The following NRXN2 variants were observed in gnomAD, a reference collection of about 807,000 sequenced individuals.
NRXN2 encodes the protein neurexin 2.
In NRXN2, 29 loss-of-function variants were observed where a neutral mutation model predicts 128.8. That is an observed-to-expected ratio of 0.23 (90% CI 0.17 to 0.31). The LOEUF (loss-of-function observed/expected upper bound fraction) is 0.31, where lower values mean the gene tolerates loss of function less well. Ranked by LOEUF, NRXN2 falls within the 10% of genes least tolerant of loss-of-function variation. The pLI, the probability that NRXN2 is intolerant of heterozygous loss-of-function variation, is 1.00. For synonymous variants in NRXN2, 1,098 were observed against 1,075.2 expected, an observed-to-expected ratio of 1.02 and a Z score of -0.41; for missense variants, 1,881 against 2,452.6, an observed-to-expected ratio of 0.77 and a Z score of 4.92.
intron 4 of NRXN2, 73 bp from the exon 5 acceptor site, chr11:64,690,549 A>T (rs2053669267): frequency 3.8e-6 from 5 of 1,318,324 alleles, no homozygotes; most frequent in Non-Finnish European, 5.4e-6. Context: ...GAGGGGATGA[A>T]GGGCCCTCTC....
At chr11:64,642,564 C>G (rs1466946691) in intron 17 of NRXN2, 1 of 1,610,724 alleles carries the variant, frequency 6.2e-7, no homozygotes, top group Non-Finnish European at 8.5e-7. Context: ...TGAGGAAGGG[C>G]ATGCGGTTGA....
chr11:64,656,994 C>T (rs1320633319), intron 11 of NRXN2, among the ~76,000 whole-genome samples: 1 of 151,892 alleles, frequency 6.6e-6, no homozygotes, highest in African/African-American at 2.4e-5. Flanking sequence ...GCAGCCTCCG[C>T]TCCCTCTTCA....
At chr11:64,639,691 G>T (rs906378341) in intron 17 of NRXN2, among the ~76,000 whole-genome samples, 10 of 152,006 alleles carry the variant, frequency 6.6e-5, no homozygotes, top group Non-Finnish European at 1.3e-4. Context: ...GGAAGAGTTG[G>T]GGGGGATGGC....
At chr11:64,640,259 C>T (rs2045463327) in intron 17 of NRXN2, among the ~76,000 whole-genome samples, 1 of 152,220 alleles carries the variant, frequency 6.6e-6, no homozygotes, top group Non-Finnish European at 1.5e-5. Context: ...CTCTGTCCAG[C>T]TTTTGCTCCT....
rs767721170 is a variant in NRXN2, at chr11:64,660,416, T to A, written c.2305A>T (p.Met769Leu). 1 of 1,614,190 alleles carries A rather than the reference T, an allele frequency of 6.2e-7. No individual in the cohort carries two copies. The highest frequency in any genetic ancestry group is 1.1e-5 in the South Asian group (1 of 91,086). ...RFMSQRAYGLMMATTSRESAD... is the reference protein window; with the variant it reads ...RFMSQRAYGLLMATTSRESAD... ...GACTCCCTGGAAGTGGTGGCCATCATGAGTCCGTAGGCCCGCTGGGACATG... is the reference window on the plus strand; with the variant it reads ...GACTCCCTGGAAGTGGTGGCCATCAAGAGTCCGTAGGCCCGCTGGGACATG... The change falls in exon 11 of 23, where the codon ATG becomes TTG. Residue 769 changes from methionine (M) to leucine (L), a missense_variant. Transcript: ENST00000265459. The surrounding 1 kb of genome is among the most constrained non-coding windows in gnomAD (Gnocchi z 5.2).
In NRXN2 at chr11:64,622,507, G is replaced by A. The variant is rs2042508935; in HGVS notation, c.4173+246C>T. ...GGCCATCAAACTCCTCCCCAATTCT[G>A]GGAATGGTCCCTCTAGAAATAGTGG... On this transcript the variant is annotated intron_variant, in intron 21 of 22. Transcript: ENST00000265459. This position sits in a 1 kb window ranked among gnomAD's most constrained non-coding sequence, Gnocchi z 4.3. 6.6e-6 allele frequency among the ~76,000 whole-genome samples: 1 copy of A among 152,186 alleles called. No homozygotes were observed. Among genetic ancestry groups the A allele is most frequent in the Non-Finnish European group, 1.5e-5 (1 of 68,030 alleles).
chr11:64,617,095 G>T (rs2135300640), intron 22 of NRXN2, among the ~76,000 whole-genome samples: 1 of 152,276 alleles, frequency 6.6e-6, no homozygotes, highest in African/African-American at 2.4e-5. Context: ...ATGTCTCTTG[G>T]AGTCTAAGCA....
At chr11:64,703,396 G>C (rs2055780382) in intron 2 of NRXN2, among the ~76,000 whole-genome samples, 1 of 152,148 alleles carries the variant, frequency 6.6e-6, no homozygotes, top group Non-Finnish European at 1.5e-5. Context: ...CTCCCTTTTA[G>C]AGCTGAAGAA....
chr11:64,630,806 A>G lies in NRXN2; in HGVS notation c.3586-233T>C, dbSNP rs2043797653. Among the ~76,000 whole-genome samples the G allele has an allele frequency of 6.6e-6, 1 of 151,844 alleles. No homozygotes were observed. Among genetic ancestry groups the G allele is most frequent in the Admixed American group, 6.5e-5 (1 of 15,268 alleles). The stretch of plus-strand genomic sequence containing the variant: ...GCCCAGAGCGCCTTCCACTAACCAC[A>G]CCTGTCTCTTGCCTTTTGGTTTGTC... On this transcript the variant is annotated intron_variant, in intron 18 of 22. Transcript: ENST00000265459. This position sits in a 1 kb window ranked among gnomAD's most constrained non-coding sequence, Gnocchi z 4.6.
rs2039877901 is a variant in NRXN2 at position 64,607,723 on chromosome 11, G to C, written c.4612C>G (p.Leu1538Val). ...SPRKPAPRPN[L>V]RTDGATGAPG... ...GCGCCCGTGGCCCCATCTGTCCTGA[G>C]GTTGGGCCGGGGAGCGGGTTTGCGG... Residue 1538 changes from leucine (L) to valine (V), a missense_variant, in exon 23 of 23, where the codon CTC becomes GTC. Around this residue, in one of 7 missense-constraint regions of NRXN2, gnomAD observed 310 missense variants for 318.2 expected, o/e 0.97. Coordinates refer to ENST00000265459, the MANE Select transcript of NRXN2 (RefSeq NM_015080.4). 4.5e-6 allele frequency: 7 copies of C among 1,563,948 alleles called. No individual in the cohort carries two copies. In the South Asian group the frequency reaches 8.2e-5, roughly 18 times the overall value.
chr11:64,658,327 G>T (rs1313749783), intron 11 of NRXN2, among the ~76,000 whole-genome samples: 4 of 152,200 alleles, frequency 2.6e-5, no homozygotes, highest in Non-Finnish European at 4.4e-5. Flanking sequence ...GCCACTTATG[G>T]GGTCCTTGGC....
chr11:64,713,324 G>C lies in NRXN2; in HGVS notation c.376C>G (p.Leu126Val), dbSNP rs370521049. The change falls in exon 2 of 23, where the codon CTG becomes GTG. Residue 126 changes from leucine (L) to valine (V), a missense_variant. Leu to Val is a conservative substitution (Grantham distance 32). Coordinates refer to ENST00000265459, the MANE Select transcript of NRXN2 (RefSeq NM_015080.4). ...LLTRDARRTA[L>V]AVDGEARAAE... ...GCGCGGGCCTCGCCGTCCACCGCCA[G>C]CGCCGTGCGGCGCGCGTCGCGGGTC... 37 of 1,371,100 alleles carry C rather than the reference G, an allele frequency of 2.7e-5. No homozygotes were observed. The East Asian group carries it at 3.4e-4, about 13-fold the overall frequency. 84.9% of individuals were successfully genotyped at this position (1,371,100 alleles called of 1,614,324 possible). A position where few individuals can be genotyped will look rare whatever the true frequency, so the allele number is the denominator to read the frequency against.
intron 17 of NRXN2, among the ~76,000 whole-genome samples, chr11:64,642,349 T>G (rs1464283743): frequency 6.9e-6 from 1 of 144,176 alleles, no homozygotes; most frequent in Admixed American, 6.9e-5. Flanking sequence ...AGAGGAGAGA[T>G]GGAGGCAAGG....
Position 64,660,513 on chromosome 11 carries a change from A to G in NRXN2, c.2208T>C (p.Asp736=). The part of the protein sequence containing the change: ...CEREATVLSY[D]GSMYMKIMLP... Reference sequence around the variant, plus strand: ...GCATGATCTTCATGTACATGGAGCCATCGTAGCTCAGGACCGTGGCCTCTG... The same window carrying G: ...GCATGATCTTCATGTACATGGAGCCGTCGTAGCTCAGGACCGTGGCCTCTG... Residue 736 remains aspartate, a synonymous_variant, in exon 11 of 23, where the codon GAT becomes GAC. Transcript: ENST00000265459. The surrounding 1 kb of genome is among the most constrained non-coding windows in gnomAD (Gnocchi z 5.2). 4 of 1,614,184 alleles carry G rather than the reference A, an allele frequency of 2.5e-6. No individual in the cohort carries two copies. The highest frequency in any genetic ancestry group is 3.4e-6 in the Non-Finnish European group (4 of 1,180,028).
intron 7 of NRXN2, chr11:64,676,735 G>A (rs753917692): frequency 1.7e-6 from 1 of 572,104 alleles, no homozygotes. Context: ...CAGGAGTTAG[G>A]GATTACAGCA....
Position 64,660,154 on chromosome 11 carries a change from C to T in NRXN2, c.2389+178G>A, listed in dbSNP as rs1051789264. On this transcript the variant is annotated intron_variant, in intron 11 of 22. Coordinates refer to ENST00000265459, the MANE Select transcript of NRXN2 (RefSeq NM_015080.4). The surrounding 1 kb of genome is among the most constrained non-coding windows in gnomAD (Gnocchi z 5.2). The stretch of plus-strand genomic sequence containing the variant: ...GCATGGAATGTCGCCCTACACTGTG[C>T]GTCCTCACCAGGGACAGAGCTCTCA... Among the ~76,000 whole-genome samples, 1 of 152,208 alleles carries T rather than the reference C, an allele frequency of 6.6e-6. No homozygotes were observed. Among genetic ancestry groups the T allele is most frequent in the African/African-American group, 2.4e-5 (1 of 41,458 alleles).
At chr11:64,654,571 A>C (rs1687456663) in intron 11 of NRXN2, among the ~76,000 whole-genome samples, 1 of 152,132 alleles carries the variant, frequency 6.6e-6, no homozygotes, top group Non-Finnish European at 1.5e-5. Context: ...CAGGACTGGG[A>C]AGGCCCCGTG....
At chr11:64,645,782 C>A (rs1484453107) in intron 17 of NRXN2, among the ~76,000 whole-genome samples, 1 of 152,138 alleles carries the variant, frequency 6.6e-6, no homozygotes, top group Non-Finnish European at 1.5e-5. Context: ...AGTCTCTCCC[C>A]CACCAGACAG....
intron 6 of NRXN2, among the ~76,000 whole-genome samples, chr11:64,678,720 TTTAA>T (rs2051717692): frequency 6.6e-6 from 1 of 152,098 alleles, no homozygotes; most frequent in Non-Finnish European, 1.5e-5. Context: ...CTGAGGCAGC[TTTAA>T]TTAAGAGTAT....
Sources: allele counts gnomAD v4.1 joint callset (sites outside exome capture counted in the v4.1 genomes callset), GRCh38; gene constraint gnomAD v4.1.1; regional missense constraint gnomAD v4.1.1; non-coding constraint Gnocchi (gnomAD v3.1); transcripts MANE v1.5; gene names NCBI Gene and HGNC (gene_info 2026-07-23, HGNC 2026-07-21).